The following SLC8A1 variants were observed in gnomAD, a reference collection of about 807,000 sequenced individuals.
SLC8A1 encodes solute carrier family 8 member A1.
A neutral mutation model predicts 68.3 loss-of-function variants in SLC8A1; 18 were observed. The ratio of observed to expected loss-of-function variants is 0.26; its 90% CI spans 0.18 to 0.39. The LOEUF (loss-of-function observed/expected upper bound fraction) is 0.39. Ranked by LOEUF, SLC8A1 falls within the 10% of genes least tolerant of loss-of-function variation. The probability of loss-of-function intolerance (pLI) is 1.00; values close to 1 mark genes in which losing one functional copy is unlikely to be tolerated. For missense variants in SLC8A1, 985 were observed against 1,156.7 expected (o/e 0.85, Z 2.15); for synonymous variants, 475 against 415.5 (o/e 1.14, Z -1.74).
chr2:40,431,105 G>C (rs1353652147), intron 1 of SLC8A1, among the ~76,000 whole-genome samples: 1 of 152,122 alleles, frequency 6.6e-6, no homozygotes, highest in Non-Finnish European at 1.5e-5. Context: ...CTGGGCATCT[G>C]GTTCTTCAAG....
intron 3 of SLC8A1, 100 bp from the exon 5 acceptor site, chr2:40,174,942 C>T (rs1573575427): frequency 4.6e-6 from 5 of 1,082,140 alleles, no homozygotes; most frequent in Non-Finnish European, 6.9e-6. Flanking sequence ...AAGGTACTTG[C>T]CAAATTATAT....
Position 40,470,399 on chromosome 2 carries a change from A to G in SLC8A1, c.-24-40095T>C, listed in dbSNP as rs144754954. Among the ~76,000 whole-genome samples, 58 of 152,190 alleles carry G rather than the reference A, an allele frequency of 3.8e-4. No homozygotes were observed. In the East Asian group the frequency reaches 7.9e-3, roughly 21 times the overall value. ...AAATATAAAGGCAAAGAAGTTCAAA[A>G]TGGCATTATTTATTATAGCAAAAAT... On this transcript the variant is annotated intron_variant, in intron 1 of 7. Coordinates refer to the SLC8A1 transcript ENST00000402441.
At chr2:40,482,954 CTT>C (rs76752710) in intron 1 of SLC8A1, among the ~76,000 whole-genome samples, 17 of 137,818 alleles carry the variant, frequency 1.2e-4, no homozygotes, top group Non-Finnish European at 1.6e-4. Context: ...CCACGCCCGG[CTT>C]TTTTTTTTTT....
chr2:40,256,770 C>G (rs1172673852), intron 2 of SLC8A1, among the ~76,000 whole-genome samples: 1 of 152,182 alleles, frequency 6.6e-6, no homozygotes, highest in Non-Finnish European at 1.5e-5. Flanking sequence ...CACTTTAGGC[C>G]TGCAGGATGC....
intron 2 of SLC8A1, among the ~76,000 whole-genome samples, chr2:40,357,814 C>T (rs532623929): frequency 3.9e-5 from 6 of 152,114 alleles, no homozygotes; most frequent in African/African-American, 9.6e-5. Flanking sequence ...GCACATCATC[C>T]TCTTTAAGGA....
At chr2:40,419,895 T>C (rs1040029124) in intron 2 of SLC8A1, among the ~76,000 whole-genome samples, 13 of 152,192 alleles carry the variant, frequency 8.5e-5, no homozygotes, top group African/African-American at 3.1e-4. Context: ...CACATTGCTA[T>C]CAGGTTTACA....
At chr2:40,128,686 C>T (rs1454937082) in intron 7 of SLC8A1, among the ~76,000 whole-genome samples, 3 of 152,054 alleles carry the variant, frequency 2.0e-5, no homozygotes, top group African/African-American at 7.2e-5. Context: ...GTGTATGAAC[C>T]AAGATTACTG....
chr2:40,170,464 G>A (rs924091056), intron 4 of SLC8A1, 115 bp from the exon 7 acceptor site: 16 of 842,762 alleles, frequency 1.9e-5, no homozygotes, highest in African/African-American at 1.3e-4. Flanking sequence ...CACAAGCAAC[G>A]TTAGTTTGGG....
chr2:40,454,778 T>G (rs1291366088), upstream of SLC8A1, among the ~76,000 whole-genome samples: 1 of 152,184 alleles, frequency 6.6e-6, no homozygotes, highest in African/African-American at 2.4e-5. Context: ...TCAAACCTTT[T>G]GCTCCCTCCT....
intron 2 of SLC8A1, among the ~76,000 whole-genome samples, chr2:40,202,042 G>A (rs2148714840): frequency 6.6e-6 from 1 of 152,096 alleles, no homozygotes; most frequent in African/African-American, 2.4e-5. Context: ...GTGTACACGT[G>A]GAGGTGTGTG....
At chr2:40,303,221 C>A (rs2071869932) in intron 2 of SLC8A1, among the ~76,000 whole-genome samples, 1 of 152,078 alleles carries the variant, frequency 6.6e-6, no homozygotes, top group Admixed American at 6.6e-5. Flanking sequence ...TTTTGAAGTC[C>A]CTCACCCTGC....
chr2:40,206,222 T>A (rs891498425), intron 2 of SLC8A1, among the ~76,000 whole-genome samples: 30 of 152,108 alleles, frequency 2.0e-4, no homozygotes, highest in African/African-American at 7.2e-4. Flanking sequence ...GCCTGTGCCA[T>A]GACAAATATC....
Position 40,459,432 on chromosome 2 carries a change from C to T in SLC8A1, c.-24-29128G>A, listed in dbSNP as rs1344376849. On this transcript the variant is annotated intron_variant, in intron 1 of 7. Transcript: ENST00000402441. ...GAGTTTTATTTTGTTTTTAGGAATTCCTGCCTCAAAGCCATCGGACTTTAT... is the reference window on the plus strand; with the variant it reads ...GAGTTTTATTTTGTTTTTAGGAATTTCTGCCTCAAAGCCATCGGACTTTAT... Among the ~76,000 whole-genome samples, 9 of 151,890 alleles carry T rather than the reference C, an allele frequency of 5.9e-5. No homozygotes were observed. The East Asian group carries it at 1.7e-3, about 29-fold the overall frequency.
At chr2:40,218,384 G>C (rs2057809782) in intron 2 of SLC8A1, among the ~76,000 whole-genome samples, 1 of 152,060 alleles carries the variant, frequency 6.6e-6, no homozygotes, top group Non-Finnish European at 1.5e-5. Context: ...TAGAAAGACT[G>C]TTTCTAAATA....
At chr2:40,439,167 A>G (rs1272597458) in intron 1 of SLC8A1, among the ~76,000 whole-genome samples, 1 of 152,080 alleles carries the variant, frequency 6.6e-6, no homozygotes, top group East Asian at 1.9e-4. Flanking sequence ...GGGAGATTAA[A>G]GCACTGGAGG....
intron 2 of SLC8A1, among the ~76,000 whole-genome samples, chr2:40,185,866 T>C (rs2148617250): frequency 6.6e-6 from 1 of 152,134 alleles, no homozygotes; most frequent in Non-Finnish European, 1.5e-5. Flanking sequence ...ATGTTTGGAG[T>C]TTTCAGTAAG....
intron 2 of SLC8A1, among the ~76,000 whole-genome samples, chr2:40,345,362 A>G (rs1668916626): frequency 6.6e-6 from 1 of 152,192 alleles, no homozygotes; most frequent in South Asian, 2.1e-4. Flanking sequence ...TTTGCAAAGA[A>G]AATTGAAGTG....
At chr2:40,433,059 A>G (rs1576453263) in intron 1 of SLC8A1, among the ~76,000 whole-genome samples, 1 of 152,128 alleles carries the variant, frequency 6.6e-6, no homozygotes, top group Admixed American at 6.6e-5. Flanking sequence ...TGTCTCCAAG[A>G]CTGATATAAC....
At chr2:40,145,945 A>G (rs1044259511) in intron 6 of SLC8A1, among the ~76,000 whole-genome samples, 2 of 145,540 alleles carry the variant, frequency 1.4e-5, no homozygotes, top group Non-Finnish European at 3.0e-5. Context: ...CCAAAGATTT[A>G]TTCCCAAACA....
Sources: gnomAD v4.1 joint callset for allele counts (sites outside exome capture counted in the v4.1 genomes callset) on GRCh38, gnomAD v4.1.1 for gene constraint, MANE v1.5 for transcripts, NCBI Gene and HGNC (gene_info 2026-07-23, HGNC 2026-07-21) for gene names.